Variants in CPS1 observed in about 807,000 individuals in gnomAD.
The protein encoded by CPS1 is carbamoyl-phosphate synthase [ammonia], mitochondrial.
CPS1 carries 109 observed loss-of-function variants against 174.6 expected under a neutral mutation model. That is an observed-to-expected ratio of 0.62 (90% CI 0.53 to 0.73). CPS1 has a LOEUF of 0.73. Among genes scored for constraint, CPS1 ranks in the 30% least tolerant of loss-of-function variants. The pLI, the probability that CPS1 is intolerant of heterozygous loss-of-function variation, is 0.00. For synonymous variants in CPS1, 637 were observed against 632.0 expected (o/e 1.01, Z -0.12); for missense variants, 1,689 against 1,821.9 (o/e 0.93, Z 1.33).
At chr2:210,631,036 T>A (rs1163552198) in intron 21 of CPS1, among the ~76,000 whole-genome samples, 7 of 141,846 alleles carry the variant, frequency 4.9e-5, no homozygotes, top group South Asian at 2.3e-4. Context: ...TTTTTTTTTT[T>A]AAAGAGGATA....
chr2:210,563,858 AC>A (rs1697191142), intron 1 of CPS1, among the ~76,000 whole-genome samples: 4 of 152,108 alleles, frequency 2.6e-5, no homozygotes, highest in African/African-American at 9.7e-5. Flanking sequence ...AGATGCTCAA[AC>A]CTTTTTCAAG....
chr2:210,504,514 G>A (rs941300216), intron 1 of CPS1, among the ~76,000 whole-genome samples: 3 of 152,242 alleles, frequency 2.0e-5, no homozygotes, highest in Admixed American at 6.5e-5. Flanking sequence ...GTAAAAGTAG[G>A]GTTAAGTAAG....
intron 6 of CPS1, among the ~76,000 whole-genome samples, chr2:210,587,070 G>T (rs1032273633): frequency 1.0e-5 from 1 of 99,310 alleles, no homozygotes; most frequent in Non-Finnish European, 2.1e-5. Context: ...AAGGATTAGG[G>T]TATTTTTTTT....
At chr2:210,524,363 T>TA (rs1042264242) in intron 1 of CPS1, among the ~76,000 whole-genome samples, 2 of 152,034 alleles carry the variant, frequency 1.3e-5, no homozygotes, top group African/African-American at 4.8e-5. Flanking sequence ...TTAACTTAAC[T>TA]AATATTTATT....
At chr2:210,673,808 C>T (rs559668517) in intron 34 of CPS1, 1 of 152,100 alleles carries the variant, frequency 6.6e-6, no homozygotes, top group African/African-American at 2.4e-5. Flanking sequence ...TGTTACTATT[C>T]CTGTTCAACA....
intron 1 of CPS1, among the ~76,000 whole-genome samples, chr2:210,516,908 A>G (rs1398871746): frequency 2.0e-5 from 3 of 151,944 alleles, no homozygotes; most frequent in Non-Finnish European, 4.4e-5. Context: ...CACATCTATG[A>G]TATCAGGCTT....
intron 27 of CPS1, among the ~76,000 whole-genome samples, chr2:210,649,408 C>T (rs1700493430): frequency 6.6e-6 from 1 of 152,176 alleles, no homozygotes; most frequent in African/African-American, 2.4e-5. Context: ...TCCAGTTTCA[C>T]ATACTCTGAA....
At chr2:210,593,645 A>T (rs984272416) in intron 11 of CPS1, 37 of 985,248 alleles carry the variant, frequency 3.8e-5, no homozygotes, top group Non-Finnish European at 4.5e-5. Flanking sequence ...GCAAATCTTC[A>T]TTGTCAGAAC....
intron 21 of CPS1, among the ~76,000 whole-genome samples, chr2:210,622,290 AT>A (rs1043964779): frequency 6.6e-6 from 1 of 151,804 alleles, no homozygotes; most frequent in Non-Finnish European, 1.5e-5. Context: ...CTGCTTAAAA[AT>A]AATACATATA....
intron 34 of CPS1, chr2:210,674,527 C>A: frequency 3.4e-5 from 6 of 178,448 alleles, no homozygotes; most frequent in East Asian, 1.4e-4. Flanking sequence ...ATAGGCAAAA[C>A]AGCTAGCCTG....
In CPS1 at chr2:210,595,477, T is replaced by C. The variant is rs2106118113; in HGVS notation, c.1264-10T>C. 5.0e-6 allele frequency: 8 copies of C among 1,590,338 alleles called. No individual in the cohort carries two copies. Among genetic ancestry groups the C allele is most frequent in the Non-Finnish European group, 6.0e-6 (7 of 1,159,114 alleles). ...CAGTAATAACAGTGTCTTTTTCTTA[T>C]TGCTTATAGGTTTCCAAAGTCCTTA... On this transcript the variant is annotated splice_polypyrimidine_tract_variant and intron_variant, in intron 12 of 37. Transcript: ENST00000233072.
At chr2:210,648,279 A>G (rs1463480976) in intron 26 of CPS1, among the ~76,000 whole-genome samples, 194 bp from the exon 27 acceptor site, 2 of 152,218 alleles carry the variant, frequency 1.3e-5, no homozygotes, top group Non-Finnish European at 2.9e-5. Flanking sequence ...ATAATTTCAA[A>G]CCAGTTTTGA....
chr2:210,668,143 T>A, intron 33 of CPS1, 43 bp from the exon 34 acceptor site: 2 of 1,401,482 alleles, frequency 1.4e-6, no homozygotes, highest in Non-Finnish European at 2.0e-6. Flanking sequence ...GGTTGACTAT[T>A]CTTTGCATCC....
intron 19 of CPS1, among the ~76,000 whole-genome samples, chr2:210,609,878 AAT>A (rs1265660179): frequency 6.6e-6 from 1 of 152,002 alleles, no homozygotes; most frequent in Non-Finnish European, 1.5e-5. Flanking sequence ...AAGAAAAAGA[AAT>A]GCTTTACTGG....
In CPS1 at chr2:210,642,681, CAG is replaced by C; in HGVS notation, c.3141+18_3141+19del. On this transcript the variant is annotated intron_variant, in intron 25 of 37. Coordinates refer to ENST00000233072, the MANE Select transcript of CPS1 (RefSeq NM_001875.5). ...CCATCAGGAGGTAAGAAAAGAAAAA[CAG>C]AAAAAAAAGAAAAAAGAAGACAGAT... 1 of 1,608,098 alleles carries C rather than the reference CAG, an allele frequency of 6.2e-7. No homozygotes were observed. The highest frequency in any genetic ancestry group is 1.3e-5 in the African/African-American group (1 of 74,476).
rs756021170 is a variant in CPS1, at chr2:210,590,157, G to T, written c.763G>T (p.Glu255Ter). Residue 255 changes from glutamate to a stop codon, truncating the protein, a stop_gained, in exon 8 of 38, where the codon GAG becomes TAG. Coordinates refer to ENST00000233072, the MANE Select transcript of CPS1 (RefSeq NM_001875.5). LOFTEE classifies it high-confidence loss of function. ...CTGGAACCATGATTTCACCAAGATGGAGTATGATGGGATTTTGATCGCGGG... is the reference window on the plus strand; with the variant it reads ...CTGGAACCATGATTTCACCAAGATGTAGTATGATGGGATTTTGATCGCGGG... ...VPWNHDFTKM[E>*]YDGILIAGGP... 1 of 1,612,912 alleles carries T rather than the reference G, an allele frequency of 6.2e-7. No individual in the cohort carries two copies. The highest frequency in any genetic ancestry group is 8.5e-7 in the Non-Finnish European group (1 of 1,179,204).
At chr2:210,570,016 A>G (rs563649338) in intron 1 of CPS1, among the ~76,000 whole-genome samples, 1 of 152,120 alleles carries the variant, frequency 6.6e-6, no homozygotes, top group East Asian at 1.9e-4. Context: ...ATGAAATAGC[A>G]TTTGGGGAAC....
intron 27 of CPS1, 63 bp downstream of exon 27, chr2:210,648,603 C>T: frequency 7.9e-7 from 1 of 1,271,148 alleles, no homozygotes. Context: ...GAAATGCATG[C>T]TGTATGCTAA....
chr2:210,584,781 A>T (rs1698052186), intron 6 of CPS1, among the ~76,000 whole-genome samples: 1 of 152,044 alleles, frequency 6.6e-6, no homozygotes, highest in South Asian at 2.1e-4. Context: ...TTCCATTTTG[A>T]TGGGAGTTTG....
Sources: gnomAD v4.1 joint callset for allele counts (sites outside exome capture counted in the v4.1 genomes callset) on GRCh38, gnomAD v4.1.1 for gene constraint, MANE v1.5 for transcripts, NCBI Gene and HGNC (gene_info 2026-07-23, HGNC 2026-07-21) for gene names.